The following RGS7 variants were observed in gnomAD, a reference collection of about 807,000 sequenced individuals.
The protein encoded by RGS7 is regulator of G-protein signaling 7.
In RGS7, 27 loss-of-function variants were observed where a neutral mutation model predicts 81.1. The ratio of observed to expected loss-of-function variants is 0.33; its 90% CI spans 0.25 to 0.46. The LOEUF (loss-of-function observed/expected upper bound fraction) is 0.46, where lower values mean the gene tolerates loss of function less well. Ranked by LOEUF, RGS7 falls within the 20% of genes least tolerant of loss-of-function variation. The pLI is 1.00. For synonymous variants in RGS7, 208 were observed against 207.7 expected (o/e 1.00, Z -0.01); for missense variants, 396 against 607.4 (o/e 0.65, Z 3.66).
Position 240,899,871 on chromosome 1 carries a change from T to C in RGS7, c.386-29752A>G, listed in dbSNP as rs528765487. On this transcript the variant is annotated intron_variant, in intron 6 of 18. Transcript: ENST00000440928. Reference sequence around the variant, plus strand: ...GGTGAAGTTCTCCTGGAAAATATCCTGAAGAGTGTTTTCCAACTTGGTTCC... The same window carrying C: ...GGTGAAGTTCTCCTGGAAAATATCCCGAAGAGTGTTTTCCAACTTGGTTCC... Among the ~76,000 whole-genome samples, 4 of 152,346 alleles carry C rather than the reference T, an allele frequency of 2.6e-5. No homozygotes were observed. In the East Asian group the frequency reaches 7.7e-4, roughly 29 times the overall value.
At chr1:241,157,250 T>A (rs2069237011) in intron 2 of RGS7, among the ~76,000 whole-genome samples, 1 of 152,202 alleles carries the variant, frequency 6.6e-6, no homozygotes, top group Non-Finnish European at 1.5e-5. Flanking sequence ...CTGCTCCTGC[T>A]GAATGCCCTT....
rs754298982 is a variant in RGS7 at position 240,932,944 on chromosome 1, C to T, written c.334-2176G>A. Among the ~76,000 whole-genome samples, 274 of 113,152 alleles carry T rather than the reference C, an allele frequency of 2.4e-3. 2 individuals carry two copies. Among genetic ancestry groups the T allele is most frequent in the Non-Finnish European group, 2.9e-3 (169 of 59,156 alleles). The allele number at this position is 113,152 out of a possible 152,430, so 74.2% of individuals were successfully genotyped here. A position where few individuals can be genotyped will look rare whatever the true frequency, so the allele number is the denominator to read the frequency against. Reference sequence around the variant, plus strand: ...TGTCGCCCAGGCTGGACTGCAGTGGCGCGATCTCGGCTCACTGCAAGCTCC... The same window carrying T: ...TGTCGCCCAGGCTGGACTGCAGTGGTGCGATCTCGGCTCACTGCAAGCTCC... On this transcript the variant is annotated intron_variant, in intron 5 of 18. Coordinates refer to ENST00000440928, the MANE Select transcript of RGS7 (RefSeq NM_001364886.1).
intron 2 of RGS7, among the ~76,000 whole-genome samples, chr1:241,215,863 C>G (rs946705498): frequency 6.6e-6 from 1 of 152,216 alleles, no homozygotes; most frequent in Non-Finnish European, 1.5e-5. Flanking sequence ...CTTATACAAG[C>G]ACTTCTACCA....
intron 3 of RGS7, among the ~76,000 whole-genome samples, chr1:241,064,666 C>A (rs111445470): frequency 0.029 from 4,421 of 151,748 alleles, 73 homozygotes; most frequent in Middle Eastern, 0.054. Flanking sequence ...GAGGCCAAGG[C>A]AGTAGGATGG....
chr1:240,943,176 G>T (rs1024165127), intron 4 of RGS7, among the ~76,000 whole-genome samples: 1 of 152,268 alleles, frequency 6.6e-6, no homozygotes, highest in Non-Finnish European at 1.5e-5. Context: ...ATTGAGGAAT[G>T]CAATAAGAAA....
At chr1:240,939,744 T>C (rs1677248209) in intron 4 of RGS7, among the ~76,000 whole-genome samples, 1 of 151,174 alleles carries the variant, frequency 6.6e-6, no homozygotes. Context: ...ATAGCTCTTA[T>C]CACCAGAGAC....
At chr1:240,840,962 G>C (rs1657850718) in intron 9 of RGS7, among the ~76,000 whole-genome samples, 1 of 152,156 alleles carries the variant, frequency 6.6e-6, no homozygotes, top group Non-Finnish European at 1.5e-5. Context: ...GTGTGCATTT[G>C]TGTGTGCTTG....
intron 3 of RGS7, among the ~76,000 whole-genome samples, chr1:241,076,596 G>A (rs1353724542): frequency 1.3e-5 from 2 of 152,120 alleles, no homozygotes; most frequent in Admixed American, 6.5e-5. Flanking sequence ...ATATCAATAA[G>A]AATTAGACCT....
At chr1:240,784,488 C>A (rs1684703555) in intron 18 of RGS7, among the ~76,000 whole-genome samples, 1 of 150,468 alleles carries the variant, frequency 6.6e-6, no homozygotes, top group Non-Finnish European at 1.5e-5. Flanking sequence ...AAAAAAAATA[C>A]AAAAAGAATT....
chr1:241,276,141 T>C (rs1023603953), intron 2 of RGS7, among the ~76,000 whole-genome samples: 1 of 152,190 alleles, frequency 6.6e-6, no homozygotes, highest in Non-Finnish European at 1.5e-5. Flanking sequence ...AGTGGCAACA[T>C]AGAGGTTACA....
At chr1:241,090,359 T>C (rs1459163270) in intron 3 of RGS7, among the ~76,000 whole-genome samples, 14 of 152,142 alleles carry the variant, frequency 9.2e-5, no homozygotes, top group Admixed American at 9.2e-4. Context: ...CAATTTTTAC[T>C]GAGGCAGAAA....
intron 2 of RGS7, among the ~76,000 whole-genome samples, chr1:241,346,598 A>T (rs2082912748): frequency 6.6e-6 from 1 of 152,240 alleles, no homozygotes; most frequent in Non-Finnish European, 1.5e-5. Flanking sequence ...GTCCTGAGAC[A>T]CTGCAGTGAA....
chr1:241,285,536 C>T (rs975211879), intron 2 of RGS7, among the ~76,000 whole-genome samples: 2 of 152,200 alleles, frequency 1.3e-5, no homozygotes, highest in Non-Finnish European at 2.9e-5. Context: ...TTAATTCTCA[C>T]AATAACCTTT....
chr1:241,277,739 C>T (rs75521962), intron 2 of RGS7, among the ~76,000 whole-genome samples: 3 of 152,036 alleles, frequency 2.0e-5, no homozygotes, highest in East Asian at 3.9e-4. Context: ...GCGTACATTA[C>T]TCAAAGAGAT....
chr1:241,030,217 G>A (rs2059997848), intron 3 of RGS7, among the ~76,000 whole-genome samples: 2 of 151,950 alleles, frequency 1.3e-5, no homozygotes, highest in Admixed American at 6.6e-5. Flanking sequence ...AGGCTTAGAC[G>A]TGGTTTCCTT....
At chr1:241,089,925 T>C (rs2678782) in intron 3 of RGS7, among the ~76,000 whole-genome samples, 41,640 of 143,852 alleles carry the variant, frequency 0.29, 6,168 homozygotes, top group African/African-American at 0.4. Context: ...ACCTGGGAGG[T>C]GGAGCTTGAA....
chr1:240,915,177 CA>C (rs1201529638), intron 6 of RGS7, among the ~76,000 whole-genome samples: 1 of 152,086 alleles, frequency 6.6e-6, no homozygotes, highest in Non-Finnish European at 1.5e-5. Flanking sequence ...TGGCCTGTCT[CA>C]AAAGAAACTG....
intron 2 of RGS7, among the ~76,000 whole-genome samples, chr1:241,130,944 A>AAAAAAAAAAAAAAAAC (rs1491202997): frequency 6.7e-6 from 1 of 150,134 alleles, no homozygotes; most frequent in African/African-American, 2.5e-5. Flanking sequence ...AAAAAAAAAA[A>AAAAAAAAAAAAAAAAC]ACCAAGAGGC....
At chr1:241,231,536 T>A (rs1281764256) in intron 2 of RGS7, among the ~76,000 whole-genome samples, 1 of 152,102 alleles carries the variant, frequency 6.6e-6, no homozygotes, top group African/African-American at 2.4e-5. Context: ...TTTTTGTATT[T>A]TTAGTAGAGA....
Sources: gnomAD v4.1 joint callset for allele counts (sites outside exome capture counted in the v4.1 genomes callset) on GRCh38, gnomAD v4.1.1 for gene constraint, MANE v1.5 for transcripts, NCBI Gene and HGNC (gene_info 2026-07-23, HGNC 2026-07-21) for gene names.